The following TNFRSF10B variants were observed in gnomAD, a reference collection of about 807,000 sequenced individuals.
The protein encoded by TNFRSF10B is tumor necrosis factor receptor superfamily member 10B.
TNFRSF10B carries 35 observed loss-of-function variants against 41.4 expected under a neutral mutation model. The ratio of observed to expected loss-of-function variants is 0.85; its 90% CI spans 0.65 to 1.12. TNFRSF10B has a LOEUF of 1.12. Ranked by LOEUF, TNFRSF10B falls within the 50% of genes most tolerant of loss-of-function variation. The probability of loss-of-function intolerance (pLI) is 0.00; values close to 1 mark genes in which losing one functional copy is unlikely to be tolerated. For missense variants in TNFRSF10B, 584 were observed against 552.7 expected (o/e 1.06, Z -0.57); for synonymous variants, 230 against 215.5 (o/e 1.07, Z -0.59).
At chr8:23,036,220 T>C (rs1452193790) in intron 2 of TNFRSF10B, among the ~76,000 whole-genome samples, 2 of 152,156 alleles carry the variant, frequency 1.3e-5, no homozygotes, top group Non-Finnish European at 1.5e-5. Context: ...TTATTTTGCC[T>C]ACCAAGCCAT....
In TNFRSF10B at chr8:23,022,613, G is replaced by A. The variant is rs1489887756; in HGVS notation, c.*58C>T. ...TTCCTACTGACTGGAGTCCAGTTGG[G>A]CTTTTTCCAGAAAAAAGGTAAACCA... On this transcript the variant is annotated 3_prime_UTR_variant, in exon 9 of 9. Transcript: ENST00000276431. 1 of 1,595,122 alleles carries A rather than the reference G, an allele frequency of 6.3e-7. No individual in the cohort carries two copies. Among genetic ancestry groups the A allele is most frequent in the Non-Finnish European group, 8.6e-7 (1 of 1,164,706 alleles).
rs201927737 is a variant in TNFRSF10B at position 23,027,128 on chromosome 8, C to T, written c.936+5G>A. The T allele has an allele frequency of 6.2e-7, 1 of 1,614,014 alleles. No individual in the cohort carries two copies. The highest frequency in any genetic ancestry group is 1.1e-5 in the South Asian group (1 of 91,070). On this transcript the variant is annotated splice_donor_5th_base_variant and intron_variant, in intron 7 of 8. Transcript: ENST00000276431. Reference sequence around the variant, plus strand: ...AGGAAACAAAATGATCTGTCCCCCACTCACCAGCAGATGCTCTGACTCCCC... The same window carrying T: ...AGGAAACAAAATGATCTGTCCCCCATTCACCAGCAGATGCTCTGACTCCCC...
Position 23,030,872 on chromosome 8 carries a change from C to A in TNFRSF10B, c.251G>T (p.Gly84Val), listed in dbSNP as rs1422698978. 2 of 1,605,858 alleles carry A rather than the reference C, an allele frequency of 1.2e-6. No individual in the cohort carries two copies. The highest frequency in any genetic ancestry group is 2.2e-5 in the South Asian group (2 of 90,002). ...SSPSEGLCPP[G>V]HHISEDGRDC... is the part of the protein sequence containing the mutation. ...TCTACCGTCTTCTGAGATATGGTGT[C>A]CTGGGAGGGGAGAGAAAAGCCGGTG... Residue 84 changes from glycine (G) to valine (V), a missense_variant and splice_region_variant, in exon 3 of 9, where the codon GGA (glycine) becomes GTA (valine). Gly to Val is a moderately radical substitution (Grantham distance 109). Transcript: ENST00000276431.
At chr8:23,045,609 C>G in intron 1 of TNFRSF10B, among the ~76,000 whole-genome samples, 1 of 152,138 alleles carries the variant, frequency 6.6e-6, no homozygotes, top group Middle Eastern at 3.2e-3. Flanking sequence ...TACCTTGATA[C>G]CAAAGCCAGA....
At position 23,030,758 on chromosome 8, in the gene TNFRSF10B, C is replaced by T. The variant is rs1811857725; in HGVS notation, c.364+1G>A. 6.2e-7 allele frequency: 1 copy of T among 1,610,252 alleles called. No individual in the cohort carries two copies. Among genetic ancestry groups the T allele is most frequent in the Non-Finnish European group, 8.5e-7 (1 of 1,177,736 alleles). ...AGGCATGGGGTCCATATGTTCTGTA[C>T]CTGAATCACACCTGGTGCAGCGCAA... On this transcript the variant is annotated splice_donor_variant, in intron 3 of 8. Transcript: ENST00000276431. LOFTEE classifies it high-confidence loss of function.
rs1811573538 is a variant in TNFRSF10B at position 23,022,734 on chromosome 8, G to T, written c.1260C>A (p.Asp420Glu). 6.2e-7 allele frequency: 1 copy of T among 1,613,948 alleles called. No homozygotes were observed. ...TGAACTTTCCAGAGCTCAACAAGTGGTCCTCAATCTTCTGCTTGGCAAGTC... is the reference window on the plus strand; with the variant it reads ...TGAACTTTCCAGAGCTCAACAAGTGTTCCTCAATCTTCTGCTTGGCAAGTC... ...GERLAKQKIE[D>E]HLLSSGKFMY... The change falls in exon 9 of 9, where the codon GAC (aspartate) becomes GAA (glutamate). Residue 420 changes from aspartate to glutamate, a missense_variant. By Grantham distance (45) the Asp-to-Glu change is conservative. Coordinates refer to ENST00000276431, the MANE Select transcript of TNFRSF10B (RefSeq NM_003842.5).
At chr8:23,029,806 C>G in intron 3 of TNFRSF10B, 85 bp from the exon 4 acceptor site, 2 of 1,343,950 alleles carry the variant, frequency 1.5e-6, no homozygotes, top group Non-Finnish European at 2.1e-6. Context: ...CCCTGCTACT[C>G]AGCTCAACTC....
chr8:23,045,481 C>T (rs1812332218), intron 1 of TNFRSF10B, among the ~76,000 whole-genome samples: 1 of 152,180 alleles, frequency 6.6e-6, no homozygotes, highest in African/African-American at 2.4e-5. Context: ...ACCCAGAAGG[C>T]TTCACTGCTG....
intron 2 of TNFRSF10B, among the ~76,000 whole-genome samples, chr8:23,040,396 TAA>T (rs1482028087): frequency 0.29 from 12,644 of 43,222 alleles, 5,327 homozygotes; most frequent in East Asian, 0.48. Context: ...ATATATTTAT[TAA>T]ATATATATAC....
Position 23,027,219 on chromosome 8 carries a change from C to G in TNFRSF10B, c.850G>C (p.Val284Leu). Residue 284 changes from valine to leucine, a missense_variant, in exon 7 of 9, where the codon GTC (valine) becomes CTC (leucine). Transcript: ENST00000276431. ...EIVSILQPTQ[V>L]PEQEMEVQEP... is the part of the protein sequence containing the mutation. ...TGGACTTCCATTTCCTGCTCAGGGACCTGGGTGGGCTGCAAGATACTCACG... is the reference window on the plus strand; with the variant it reads ...TGGACTTCCATTTCCTGCTCAGGGAGCTGGGTGGGCTGCAAGATACTCACG... 2 of 1,614,196 alleles carry G rather than the reference C, an allele frequency of 1.2e-6. No individual in the cohort carries two copies. Among genetic ancestry groups the G allele is most frequent in the Non-Finnish European group, 1.7e-6 (2 of 1,180,030 alleles).
At chr8:23,045,333 G>A (rs535408436) in intron 1 of TNFRSF10B, among the ~76,000 whole-genome samples, 33 of 152,074 alleles carry the variant, frequency 2.2e-4, no homozygotes, top group Admixed American at 5.9e-4. Context: ...TGAACCACCC[G>A]GAAGAAATGG....
chr8:23,037,207 A>G (rs959252821), intron 2 of TNFRSF10B, among the ~76,000 whole-genome samples: 3 of 152,080 alleles, frequency 2.0e-5, no homozygotes, highest in Non-Finnish European at 2.9e-5. Context: ...TCATCACTCA[A>G]TGGGCTCATG....
Position 23,043,156 on chromosome 8 carries a change from C to T in TNFRSF10B, c.232G>A (p.Glu78Lys), listed in dbSNP as rs1361645001. The T allele has an allele frequency of 1.2e-6, 2 of 1,614,134 alleles. No homozygotes were observed. The highest frequency in any genetic ancestry group is 3.3e-5 in the Admixed American group (2 of 60,030). The change falls in exon 2 of 9, where the codon GAG (glutamate) becomes AAG (lysine). Residue 78 changes from glutamate (E) to lysine (K), a missense_variant. Physicochemically the swap from Glu to Lys is moderately conservative, Grantham distance 56. Coordinates refer to ENST00000276431, the MANE Select transcript of TNFRSF10B (RefSeq NM_003842.5). ...APQQKRSSPS[E>K]GLCPPGHHIS... ...AACATACCAGGTGGACACAATCCCT[C>T]TGAGGGGCTGGACCTCTTTTGTTGT...
intron 2 of TNFRSF10B, among the ~76,000 whole-genome samples, chr8:23,034,891 C>CA (rs1811987221): frequency 6.6e-6 from 1 of 152,228 alleles, no homozygotes; most frequent in African/African-American, 2.4e-5. Flanking sequence ...AGTGGATTAT[C>CA]ATACGCTTAA....
At chr8:23,067,041 C>T (rs756567428) in intron 1 of TNFRSF10B, among the ~76,000 whole-genome samples, 27 of 150,698 alleles carry the variant, frequency 1.8e-4, no homozygotes, top group Non-Finnish European at 3.4e-4. Context: ...TGCAGTGGCG[C>T]CATCTCTGCT....
intron 6 of TNFRSF10B, 31 bp from the exon 7 acceptor site, chr8:23,027,319 C>T (rs760363141): frequency 4.8e-5 from 77 of 1,613,430 alleles, no homozygotes; most frequent in Non-Finnish European, 5.9e-5. Context: ...GGCAAAAAGC[C>T]GACTCAGGAG....
At chr8:23,023,926 A>G (rs1389556126) in intron 8 of TNFRSF10B, among the ~76,000 whole-genome samples, 1 of 152,160 alleles carries the variant, frequency 6.6e-6, no homozygotes, top group Non-Finnish European at 1.5e-5. Context: ...CGGGGGCTAC[A>G]TCAGGCCCTG....
chr8:23,022,765 C>A lies in TNFRSF10B; in HGVS notation c.1229G>T (p.Gly410Val), dbSNP rs780817848. The A allele has an allele frequency of 6.2e-7, 1 of 1,613,968 alleles. No individual in the cohort carries two copies. The highest frequency in any genetic ancestry group is 8.5e-7 in the Non-Finnish European group (1 of 1,179,952). ...AATCTTCTGCTTGGCAAGTCTCTCT[C>A]CCAGCGTCTCCAAGGCATCCAGCAG... Reference protein sequence around the residue: ...HTLLDALETLGERLAKQKIED... With the variant: ...HTLLDALETLVERLAKQKIED... The change falls in exon 9 of 9, where the codon GGA becomes GTA. Residue 410 changes from glycine (G) to valine (V), a missense_variant. Transcript: ENST00000276431.
At chr8:23,023,446 G>A (rs181019798) in intron 8 of TNFRSF10B, among the ~76,000 whole-genome samples, 25 of 152,176 alleles carry the variant, frequency 1.6e-4, no homozygotes, top group African/African-American at 5.3e-4. Context: ...CACCCAGCTC[G>A]GCCTCACTTC....
Sources: allele counts gnomAD v4.1 joint callset (sites outside exome capture counted in the v4.1 genomes callset), GRCh38; gene constraint gnomAD v4.1.1; transcripts MANE v1.5; gene names NCBI Gene and HGNC (gene_info 2026-07-23, HGNC 2026-07-21).